The following METAP1D variants were observed in gnomAD, a reference collection of about 807,000 sequenced individuals.
The protein encoded by METAP1D is methionyl aminopeptidase type 1D, mitochondrial.
In METAP1D, 31 loss-of-function variants were observed where a neutral mutation model predicts 40.5. The observed-to-expected ratio is 0.77, with a 90% confidence interval of 0.58 to 1.03. The LOEUF (loss-of-function observed/expected upper bound fraction) is 1.03. METAP1D is among the 50% of genes least tolerant of loss of function. The pLI, the probability that METAP1D is intolerant of heterozygous loss-of-function variation, is 0.00. For missense variants in METAP1D, 411 were observed against 420.7 expected (o/e 0.98, Z 0.20); for synonymous variants, 151 against 146.4 (o/e 1.03, Z -0.22).
rs35609681 is a variant in METAP1D, at chr2:172,045,664, G to GA, written c.41-15815dup. On this transcript the variant is annotated intron_variant, in intron 1 of 9. Coordinates refer to ENST00000315796, the MANE Select transcript of METAP1D (RefSeq NM_199227.3). ...CAACAAGAGTGAAACTCCGTCTCAG[G>GA]AAAAAAAAAAAAAAAAAAAGGATCA... Among the ~76,000 whole-genome samples the GA allele has an allele frequency of 7.9e-4, 37 of 46,944 alleles. 1 individual carries two copies. The highest frequency in any genetic ancestry group is 1.1e-3 in the Non-Finnish European group (29 of 26,142). 30.8% of individuals were successfully genotyped at this position (46,944 alleles called of 152,430 possible).
At chr2:172,002,461 T>C (rs953917267) in intron 1 of METAP1D, among the ~76,000 whole-genome samples, 1 of 152,194 alleles carries the variant, frequency 6.6e-6, no homozygotes, top group Non-Finnish European at 1.5e-5. Context: ...TGACAAATGG[T>C]GGTTTAGACA....
intron 1 of METAP1D, among the ~76,000 whole-genome samples, chr2:172,002,186 GAT>G (rs1274275761): frequency 1.3e-5 from 2 of 151,252 alleles, no homozygotes; most frequent in Non-Finnish European, 2.9e-5. Flanking sequence ...GATCTGAGGA[GAT>G]AGTCAATGTA....
intron 5 of METAP1D, among the ~76,000 whole-genome samples, chr2:172,068,137 A>G (rs1000404785): frequency 3.9e-5 from 6 of 152,218 alleles, no homozygotes; most frequent in African/African-American, 1.4e-4. Flanking sequence ...AAATCCCAGC[A>G]CTTTGGGAGG....
intron 6 of METAP1D, among the ~76,000 whole-genome samples, chr2:172,075,824 G>C (rs1690526962): frequency 6.6e-6 from 1 of 152,174 alleles, no homozygotes; most frequent in African/African-American, 2.4e-5. Flanking sequence ...ATGTGCTCAA[G>C]CAGGGAACTG....
At chr2:172,046,759 A>G (rs992188067) in intron 1 of METAP1D, among the ~76,000 whole-genome samples, 2 of 152,246 alleles carry the variant, frequency 1.3e-5, no homozygotes, top group African/African-American at 4.8e-5. Flanking sequence ...CATTTTTATC[A>G]TAGTTTCATT....
chr2:172,050,232 C>A (rs1046360941), intron 1 of METAP1D, among the ~76,000 whole-genome samples: 2 of 152,124 alleles, frequency 1.3e-5, no homozygotes, highest in African/African-American at 4.8e-5. Flanking sequence ...AGACTAAAAT[C>A]ATGCTCTTTT....
At position 172,044,237 on chromosome 2, in the gene METAP1D, A is replaced by T. The variant is rs997102452; in HGVS notation, c.41-17261A>T. On this transcript the variant is annotated intron_variant, in intron 1 of 9. Transcript: ENST00000315796. ...TGAAACAGTGTAGTACACACATTTA[A>T]TATTTGTAATTCACAGAATACTCTT... Among the ~76,000 whole-genome samples, 10 of 133,008 alleles carry T rather than the reference A, an allele frequency of 7.5e-5. 1 individual carries two copies. Among genetic ancestry groups the T allele is most frequent in the African/African-American group, 2.5e-4 (10 of 39,432 alleles). The allele number at this position is 133,008 out of a possible 152,430, so 87.3% of individuals were successfully genotyped here.
intron 1 of METAP1D, among the ~76,000 whole-genome samples, chr2:172,048,338 A>G (rs999995166): frequency 1.3e-5 from 2 of 152,344 alleles, no homozygotes; most frequent in East Asian, 3.9e-4. Flanking sequence ...CAGGTAACCA[A>G]TGATAGTAAT....
chr2:172,013,494 GGA>G (rs1688778065), intron 1 of METAP1D, among the ~76,000 whole-genome samples: 1 of 152,148 alleles, frequency 6.6e-6, no homozygotes, highest in South Asian at 2.1e-4. Flanking sequence ...AAGTAGTGTG[GGA>G]GAGAGGGGGA....
chr2:172,080,075 T>C lies in METAP1D; in HGVS notation c.851-53T>C, dbSNP rs1042772081. Reference sequence around the variant, plus strand: ...TTTTTTAATAATCAGCCGGAAACAATGTTTAACAAGAATCTGATGAGGTCA... The same window carrying C: ...TTTTTTAATAATCAGCCGGAAACAACGTTTAACAAGAATCTGATGAGGTCA... On this transcript the variant is annotated intron_variant, in intron 8 of 9. Transcript: ENST00000315796. 4 of 1,481,488 alleles carry C rather than the reference T, an allele frequency of 2.7e-6. No homozygotes were observed. In the African/African-American group the frequency reaches 5.6e-5, roughly 21 times the overall value. The allele number at this position is 1,481,488 out of a possible 1,614,324, so 91.8% of individuals were successfully genotyped here. A position where few individuals can be genotyped will look rare whatever the true frequency, so the allele number is the denominator to read the frequency against.
intron 6 of METAP1D, among the ~76,000 whole-genome samples, chr2:172,076,157 C>T (rs1690538669): frequency 6.6e-6 from 1 of 151,578 alleles, no homozygotes; most frequent in African/African-American, 2.4e-5. Flanking sequence ...AGCCGTGATG[C>T]CTGCCAATCA....
At chr2:172,012,730 C>T (rs1319445098) in intron 1 of METAP1D, among the ~76,000 whole-genome samples, 1 of 152,146 alleles carries the variant, frequency 6.6e-6, no homozygotes, top group Non-Finnish European at 1.5e-5. Flanking sequence ...TTCCTTCAGG[C>T]AATAGGAAGC....
chr2:172,066,144 T>G (rs772649139), intron 4 of METAP1D, 120 bp from the exon 5 acceptor site: 8 of 751,358 alleles, frequency 1.1e-5, no homozygotes, highest in Non-Finnish European at 1.5e-5. Flanking sequence ...GTAGTCCTCC[T>G]TCACTCCAAA....
chr2:172,028,490 A>G (rs1171600087), intron 1 of METAP1D, among the ~76,000 whole-genome samples: 1 of 150,990 alleles, frequency 6.6e-6, no homozygotes, highest in Non-Finnish European at 1.5e-5. Context: ...CTTAGTAATT[A>G]TTCTCACCTA....
intron 1 of METAP1D, among the ~76,000 whole-genome samples, chr2:172,052,742 T>C (rs1689911779): frequency 6.6e-6 from 1 of 151,750 alleles, no homozygotes; most frequent in Admixed American, 6.6e-5. Flanking sequence ...TTGTGTAGAT[T>C]ATAGAGCTGT....
intron 5 of METAP1D, 123 bp from the exon 6 acceptor site, chr2:172,070,784 C>A: frequency 1.4e-6 from 1 of 730,708 alleles, no homozygotes; most frequent in Non-Finnish European, 2.0e-6. Context: ...TTTTGATAGG[C>A]AAATGAATAA....
At chr2:172,071,610 GTTTATT>G (rs1480031114) in intron 6 of METAP1D, among the ~76,000 whole-genome samples, 1 of 152,006 alleles carries the variant, frequency 6.6e-6, no homozygotes, top group Non-Finnish European at 1.5e-5. Context: ...GTAAACCGTT[GTTTATT>G]TTTCACAGAG....
intron 1 of METAP1D, among the ~76,000 whole-genome samples, chr2:172,036,428 T>G (rs1198837150): frequency 1.3e-5 from 2 of 150,456 alleles, no homozygotes; most frequent in Non-Finnish European, 3.0e-5. Context: ...TGCAGTGGCG[T>G]GATCTTGGCT....
At chr2:172,021,755 C>G (rs1007284533) in intron 1 of METAP1D, 81 of 152,356 alleles carry the variant, frequency 5.3e-4, no homozygotes, top group African/African-American at 1.9e-3. Context: ...CGGATACACC[C>G]AAGACCTCCC....
Sources: allele counts gnomAD v4.1 joint callset (sites outside exome capture counted in the v4.1 genomes callset), GRCh38; gene constraint gnomAD v4.1.1; transcripts MANE v1.5; gene names NCBI Gene and HGNC (gene_info 2026-07-23, HGNC 2026-07-21).